The following GLI3 variants were observed in gnomAD, a reference collection of about 807,000 sequenced individuals.
GLI3 encodes GLI family zinc finger 3, also known as transcription activator GLI3.
A neutral mutation model predicts 100.8 loss-of-function variants in GLI3; 20 were observed. The ratio of observed to expected loss-of-function variants is 0.20; its 90% confidence interval spans 0.14 to 0.29. GLI3 has a LOEUF of 0.29. GLI3 is among the 10% of genes least tolerant of loss of function. GLI3 has a pLI of 1.00. For synonymous variants in GLI3, 938 were observed against 860.5 expected (o/e 1.09, Z -1.58); for missense variants, 2,040 against 2,128.5 (o/e 0.96, Z 0.82).
In GLI3 at chr7:42,015,321, A is replaced by C. The variant is rs949273717; in HGVS notation, c.1497+8147T>G. On this transcript the variant is annotated intron_variant, in intron 10 of 14. Coordinates refer to ENST00000395925, the MANE Select transcript of GLI3 (RefSeq NM_000168.6). ...GGGTGGGGTCGGGTGGAGTTGGTTT[A>C]AGTTTAAGGCCTTGGCTTACACATT... Among the ~76,000 whole-genome samples the C allele has an allele frequency of 1.9e-4, 29 of 152,066 alleles. 1 individual carries two copies. The highest frequency in any genetic ancestry group is 1.0e-4 in the Non-Finnish European group (7 of 67,976).
chr7:42,236,818 C>A (rs1788809684), intron 1 of GLI3, among the ~76,000 whole-genome samples, 153 bp downstream of exon 1: 1 of 152,218 alleles, frequency 6.6e-6, no homozygotes, highest in South Asian at 2.1e-4. Flanking sequence ...GGACGCCTCA[C>A]CGGCGGCTCT....
intron 12 of GLI3, among the ~76,000 whole-genome samples, chr7:41,975,680 C>A (rs1016169461): frequency 6.6e-6 from 1 of 152,174 alleles, no homozygotes; most frequent in Non-Finnish European, 1.5e-5. Flanking sequence ...AGCTCAACTA[C>A]ACCACAATTA....
rs533631803 is a variant in GLI3 at position 42,024,727 on chromosome 7, C to A, written c.1356+537G>T. ...GATTGAAATCCTACACTCTTCCTTT[C>A]AGAATTTTAGGCTGAGTGCCAGAAT... On this transcript the variant is annotated intron_variant, in intron 9 of 14. Transcript: ENST00000395925. 5.3e-5 allele frequency among the ~76,000 whole-genome samples: 8 copies of A among 152,328 alleles called. No homozygotes were observed. The East Asian group carries it at 1.5e-3, about 29-fold the overall frequency.
chr7:41,981,693 G>T (rs1787672520), intron 10 of GLI3, among the ~76,000 whole-genome samples: 1 of 152,202 alleles, frequency 6.6e-6, no homozygotes, highest in Non-Finnish European at 1.5e-5. Flanking sequence ...GACAGGGAAG[G>T]GAAGGCTCTG....
At chr7:41,971,092 C>A (rs1196738480) in intron 13 of GLI3, among the ~76,000 whole-genome samples, 1 of 152,172 alleles carries the variant, frequency 6.6e-6, no homozygotes, top group African/African-American at 2.4e-5. Context: ...CTCTAAGACT[C>A]TTAAGAATTC....
At position 41,964,461 on chromosome 7, in the gene GLI3, G is replaced by C. The variant is rs777586456; in HGVS notation, c.4612C>G (p.Leu1538Val). The part of the protein sequence containing the change: ...IQNLSHSSSR[L>V]TTPRASLPFP... ...GGGAGGGACGCCCGAGGCGTGGTGA[G>C]GCGGGAGGAGCTATGGGAAAGGTTC... is the stretch of plus-strand genomic sequence containing the variant. The change falls in exon 15 of 15, where the codon CTC (leucine) becomes GTC (valine). Residue 1538 changes from leucine to valine, a missense_variant. Physicochemically the swap from Leu to Val is conservative, Grantham distance 32. Coordinates refer to ENST00000395925, the MANE Select transcript of GLI3 (RefSeq NM_000168.6). 6.2e-7 allele frequency: 1 copy of C among 1,614,104 alleles called. No homozygotes were observed. Among genetic ancestry groups the C allele is most frequent in the African/African-American group, 1.3e-5 (1 of 74,942 alleles).
At chr7:42,183,067 C>G (rs1227409024) in intron 2 of GLI3, among the ~76,000 whole-genome samples, 1 of 151,710 alleles carries the variant, frequency 6.6e-6, no homozygotes, top group Admixed American at 6.6e-5. Flanking sequence ...CTAAAAATAA[C>G]AAAAAAATAA....
intron 2 of GLI3, among the ~76,000 whole-genome samples, chr7:42,155,286 A>G (rs776917030): frequency 3.9e-5 from 6 of 152,070 alleles, no homozygotes; most frequent in Non-Finnish European, 8.8e-5. Flanking sequence ...CTAAAAAAAC[A>G]AAATCAGCCA....
At chr7:42,154,382 G>A (rs1786952186) in intron 2 of GLI3, among the ~76,000 whole-genome samples, 1 of 152,184 alleles carries the variant, frequency 6.6e-6, no homozygotes, top group African/African-American at 2.4e-5. Context: ...CATTTTTAAT[G>A]TGTCTCCAGA....
chr7:42,094,745 AT>A (rs1408000655), intron 3 of GLI3, among the ~76,000 whole-genome samples: 2 of 150,876 alleles, frequency 1.3e-5, no homozygotes, highest in Non-Finnish European at 3.0e-5. Context: ...AAAAAAAAAA[AT>A]TAATTAAAAA....
intron 2 of GLI3, among the ~76,000 whole-genome samples, chr7:42,214,453 A>G (rs1402462579): frequency 1.3e-5 from 2 of 151,750 alleles, no homozygotes; most frequent in African/African-American, 4.8e-5. Context: ...ACTTTCTACA[A>G]CTAAAGAAAA....
At chr7:42,114,415 T>C (rs1431065915) in intron 3 of GLI3, among the ~76,000 whole-genome samples, 2 of 150,644 alleles carry the variant, frequency 1.3e-5, no homozygotes, top group African/African-American at 5.0e-5. Flanking sequence ...ATATCTTTTA[T>C]AAAGCTAGGT....
chr7:42,105,516 G>A (rs914124632), intron 3 of GLI3, among the ~76,000 whole-genome samples: 12 of 152,166 alleles, frequency 7.9e-5, no homozygotes, highest in Non-Finnish European at 1.2e-4. Context: ...AATGAGAGAT[G>A]GGGAGATAGG....
intron 10 of GLI3, among the ~76,000 whole-genome samples, chr7:42,018,837 T>C (rs1299666513): frequency 6.6e-6 from 1 of 152,094 alleles, no homozygotes; most frequent in Non-Finnish European, 1.5e-5. Context: ...AAATGGAGGA[T>C]TACAGAGACT....
At chr7:42,191,273 A>G (rs968715736) in intron 2 of GLI3, among the ~76,000 whole-genome samples, 2 of 152,168 alleles carry the variant, frequency 1.3e-5, no homozygotes, top group Non-Finnish European at 2.9e-5. Flanking sequence ...ACATGCAGAA[A>G]TCCATAGCTT....
Position 41,980,336 on chromosome 7 carries a change from G to A in GLI3, c.1498-1588C>T, listed in dbSNP as rs553302519. On this transcript the variant is annotated intron_variant, in intron 10 of 14. Transcript: ENST00000395925. The stretch of plus-strand genomic sequence containing the variant: ...AAGAGAACAGATGTTCTGGACAGGG[G>A]TCAACGTTCAATCCGCACGTCTGCT... 5.4e-4 allele frequency among the ~76,000 whole-genome samples: 83 copies of A among 152,334 alleles called. 3 individuals carry two copies. The highest frequency in any genetic ancestry group is 4.8e-3 in the East Asian group (25 of 5,184).
At chr7:42,253,901 C>T (rs914889882) in intron 1 of GLI3, among the ~76,000 whole-genome samples, 81 of 152,088 alleles carry the variant, frequency 5.3e-4, no homozygotes, top group African/African-American at 1.9e-3. Context: ...AAGGCAAAGG[C>T]GAGTCACTGA....
chr7:41,987,270 GTGA>G (rs1242920807), intron 10 of GLI3, among the ~76,000 whole-genome samples: 1 of 152,146 alleles, frequency 6.6e-6, no homozygotes, highest in Non-Finnish European at 1.5e-5. Flanking sequence ...CCGAGTTCAA[GTGA>G]TTCTTCTGCC....
intron 2 of GLI3, among the ~76,000 whole-genome samples, chr7:42,151,019 A>G (rs529078981): frequency 6.6e-6 from 1 of 152,248 alleles, no homozygotes; most frequent in Non-Finnish European, 1.5e-5. Flanking sequence ...AGTTATAACA[A>G]GAAGTAACCG....
Sources: allele counts gnomAD v4.1 joint callset (sites outside exome capture counted in the v4.1 genomes callset), GRCh38; gene constraint gnomAD v4.1.1; transcripts MANE v1.5; gene names NCBI Gene and HGNC (gene_info 2026-07-23, HGNC 2026-07-21).